Variants in SAPCD2 observed in about 807,000 individuals in gnomAD.
SAPCD2 encodes suppressor APC domain-containing protein 2.
Under a neutral mutation model 37.8 loss-of-function variants are expected in SAPCD2, and 34 were observed. That is an observed-to-expected ratio of 0.90 (90% CI 0.68 to 1.20). SAPCD2 has a LOEUF of 1.20. Among genes scored for constraint, SAPCD2 ranks in the 50% most tolerant of loss-of-function variants. The pLI is 0.00. For missense variants in SAPCD2, 572 were observed against 584.7 expected (o/e 0.98, Z 0.22); for synonymous variants, 275 against 270.3 (o/e 1.02, Z -0.17).
Position 137,064,988 on chromosome 9 carries a change from G to A in SAPCD2, c.940-9C>T. ...GAGGACGGGGGCAGGGCCTGCGGGA[G>A]GGCAGGATTAGGCAGGCCTGGACGA... On this transcript the variant is annotated splice_polypyrimidine_tract_variant and intron_variant, in intron 4 of 5. Coordinates refer to ENST00000409687, the MANE Select transcript of SAPCD2 (RefSeq NM_178448.4). 1.3e-6 allele frequency: 2 copies of A among 1,502,550 alleles called. No individual in the cohort carries two copies. Among genetic ancestry groups the A allele is most frequent in the Non-Finnish European group, 1.8e-6 (2 of 1,107,878 alleles). The allele number at this position is 1,502,550 out of a possible 1,614,324, so 93.1% of individuals were successfully genotyped here.
At chr9:137,069,341 G>A (rs1588565980) in intron 1 of SAPCD2, among the ~76,000 whole-genome samples, 1 of 152,180 alleles carries the variant, frequency 6.6e-6, no homozygotes, top group African/African-American at 2.4e-5. Context: ...ATCCACCCAC[G>A]CCCCTGCCCA....
chr9:137,066,503 T>C (rs1832548934), intron 1 of SAPCD2, 129 bp from the exon 2 acceptor site: 1 of 642,024 alleles, frequency 1.6e-6, no homozygotes, highest in Non-Finnish European at 2.7e-6. Context: ...GGCCCACGTG[T>C]AGCCTCTGTG....
chr9:137,066,743 G>C (rs1480411377), intron 1 of SAPCD2, among the ~76,000 whole-genome samples: 2 of 152,216 alleles, frequency 1.3e-5, no homozygotes, highest in Non-Finnish European at 2.9e-5. Context: ...GGAGTGGGCG[G>C]GGGGGTTCTG....
chr9:137,070,116 C>T lies in SAPCD2; in HGVS notation c.345G>A (p.Gln115=). 4 of 1,191,054 alleles carry T rather than the reference C, an allele frequency of 3.4e-6. No homozygotes were observed. The highest frequency in any genetic ancestry group is 3.1e-6 in the Non-Finnish European group (3 of 962,776). 73.8% of individuals were successfully genotyped at this position (1,191,054 alleles called of 1,614,324 possible). The change falls in exon 1 of 6, where the codon CAG becomes CAA. Residue 115 remains glutamine (Q), a synonymous_variant. Coordinates refer to ENST00000409687, the MANE Select transcript of SAPCD2 (RefSeq NM_178448.4). ...PTRAPARPGD[Q]PPPPPQRLVF... is the part of the protein sequence containing the mutation. ...CCAGGCGCTGCGGCGGCGGCGGCGG[C>T]TGATCCCCGGGCCGGGCCGGGGCGC...
chr9:137,064,566 G>T lies in SAPCD2; in HGVS notation c.*93C>A. ...GGGACTGTGCCTGGGCCTGCCGGGGGTCTCCAGCCAGAGAGGGTGGGTGCG... is the reference window on the plus strand; with the variant it reads ...GGGACTGTGCCTGGGCCTGCCGGGGTTCTCCAGCCAGAGAGGGTGGGTGCG... On this transcript the variant is annotated 3_prime_UTR_variant, in exon 6 of 6. Coordinates refer to ENST00000409687, the MANE Select transcript of SAPCD2 (RefSeq NM_178448.4). 3 of 1,441,790 alleles carry T rather than the reference G, an allele frequency of 2.1e-6. No individual in the cohort carries two copies. The highest frequency in any genetic ancestry group is 2.0e-5 in the Admixed American group (1 of 48,856). The allele number at this position is 1,441,790 out of a possible 1,614,324, so 89.3% of individuals were successfully genotyped here.
In SAPCD2 at chr9:137,064,462, C is replaced by T. The variant is rs918906617; in HGVS notation, c.*197G>A. 3.8e-5 allele frequency: 24 copies of T among 634,354 alleles called. No individual in the cohort carries two copies. The highest frequency in any genetic ancestry group is 5.4e-5 in the Non-Finnish European group (20 of 368,932). 39.3% of individuals were successfully genotyped at this position (634,354 alleles called of 1,614,324 possible). On this transcript the variant is annotated 3_prime_UTR_variant, in exon 6 of 6. Coordinates refer to ENST00000409687, the MANE Select transcript of SAPCD2 (RefSeq NM_178448.4). ...TCAGCACCAGGAGCCAAAACGGAGT[C>T]AAGCGCTCGGTGCGGGGACCAGCCG...
Position 137,064,178 on chromosome 9 carries a change from G to A in SAPCD2, c.*481C>T, listed in dbSNP as rs911637199. The stretch of plus-strand genomic sequence containing the variant: ...CCCCTCCATCTACTTCCGTCCGTCC[G>A]AGCTACAGCCACCTCGTCCTGGTGC... On this transcript the variant is annotated 3_prime_UTR_variant, in exon 6 of 6. Coordinates refer to ENST00000409687, the MANE Select transcript of SAPCD2 (RefSeq NM_178448.4). The A allele has an allele frequency of 7.6e-5, 15 of 198,206 alleles. No homozygotes were observed. The highest frequency in any genetic ancestry group is 1.4e-4 in the African/African-American group (6 of 41,768). 12.3% of individuals were successfully genotyped at this position (198,206 alleles called of 1,614,324 possible).
At chr9:137,065,751 G>A (rs937550063) in intron 2 of SAPCD2, 83 bp from the exon 3 acceptor site, 45 of 1,480,088 alleles carry the variant, frequency 3.0e-5, no homozygotes, top group Non-Finnish European at 3.7e-5. Flanking sequence ...CCTGTGGGTG[G>A]GCACCAGAGC....
rs1322964686 is a variant in SAPCD2, at chr9:137,064,984, G to C, written c.940-5C>G. Reference sequence around the variant, plus strand: ...GGAGGAGGACGGGGGCAGGGCCTGCGGGAGGGCAGGATTAGGCAGGCCTGG... The same window carrying C: ...GGAGGAGGACGGGGGCAGGGCCTGCCGGAGGGCAGGATTAGGCAGGCCTGG... On this transcript the variant is annotated splice_polypyrimidine_tract_variant and splice_region_variant and intron_variant, in intron 4 of 5. Coordinates refer to ENST00000409687, the MANE Select transcript of SAPCD2 (RefSeq NM_178448.4). 3 of 1,502,936 alleles carry C rather than the reference G, an allele frequency of 2.0e-6. No individual in the cohort carries two copies. The highest frequency in any genetic ancestry group is 2.4e-5 in the South Asian group (2 of 82,668). 93.1% of individuals were successfully genotyped at this position (1,502,936 alleles called of 1,614,324 possible).
chr9:137,067,160 G>T (rs1832557642), intron 1 of SAPCD2, among the ~76,000 whole-genome samples: 1 of 151,612 alleles, frequency 6.6e-6, no homozygotes, highest in South Asian at 2.1e-4. Flanking sequence ...GCTACTTTTT[G>T]TATTTTTTAG....
chr9:137,065,271 C>G, intron 3 of SAPCD2, 86 bp from the exon 4 acceptor site: 1 of 1,036,206 alleles, frequency 9.7e-7, no homozygotes, highest in Non-Finnish European at 1.4e-6. Flanking sequence ...CCACAGGTGG[C>G]TCTCCTGCCT....
Position 137,070,026 on chromosome 9 carries a change from G to C in SAPCD2, c.435C>G (p.Arg145=). The change falls in exon 1 of 6, where the codon CGC becomes CGG. Residue 145 remains arginine, a synonymous_variant. Transcript: ENST00000409687. The stretch of plus-strand genomic sequence containing the variant: ...CGGCGCTGGGACCGGCCAGAGGGGC[G>C]CGCACGCCCAGGGGCAGGGGCTTCC... ...LERKPLPLGV[R]APLAGPSAAA... is the part of the protein sequence containing the mutation. 1 of 1,204,076 alleles carries C rather than the reference G, an allele frequency of 8.3e-7. No individual in the cohort carries two copies. Among genetic ancestry groups the C allele is most frequent in the Non-Finnish European group, 1.0e-6 (1 of 970,060 alleles). 74.6% of individuals were successfully genotyped at this position (1,204,076 alleles called of 1,614,324 possible). A position where few individuals can be genotyped will look rare whatever the true frequency, so the allele number is the denominator to read the frequency against.
chr9:137,065,560 C>T lies in SAPCD2; in HGVS notation c.793G>A (p.Glu265Lys), dbSNP rs201591483. Reference protein sequence around the residue: ...WYQQQLQRVQERQRRLGQSRA... With the variant: ...WYQQQLQRVQKRQRRLGQSRA... ...CTCTGGCCCAGGCGGCGCTGGCGCT[C>T]CTGCACTCGTTGCAGCTGCTGCTGG... Residue 265 changes from glutamate to lysine, a missense_variant, in exon 3 of 6, where the codon GAG becomes AAG. By Grantham distance (56) the Glu-to-Lys change is moderately conservative. Coordinates refer to ENST00000409687, the MANE Select transcript of SAPCD2 (RefSeq NM_178448.4). 6.2e-6 allele frequency: 10 copies of T among 1,609,472 alleles called. No homozygotes were observed. Among genetic ancestry groups the T allele is most frequent in the Admixed American group, 3.3e-5 (2 of 59,850 alleles).
chr9:137,065,074 T>C lies in SAPCD2; in HGVS notation c.939+4A>G. ...GTGGGTGTGGGGGTTTGGGGTACAC[T>C]CACCCGGCTGGCACAGGCTGCAGCC... On this transcript the variant is annotated splice_donor_region_variant and intron_variant, in intron 4 of 5. Coordinates refer to ENST00000409687, the MANE Select transcript of SAPCD2 (RefSeq NM_178448.4). 6.6e-7 allele frequency: 1 copy of C among 1,521,722 alleles called. No homozygotes were observed. The highest frequency in any genetic ancestry group is 8.8e-7 in the Non-Finnish European group (1 of 1,133,078). The allele number at this position is 1,521,722 out of a possible 1,614,324, so 94.3% of individuals were successfully genotyped here.
Position 137,064,923 on chromosome 9 carries a change from G to C in SAPCD2, c.996C>G (p.Pro332=), listed in dbSNP as rs775199107. The part of the protein sequence containing the change: ...PPCPALTSTS[P]PVWQQQTILM... ...GGATGGTCTGCTGCTGCCAGACCGG[G>C]GGTGAGGTGGACGTCAGGGCAGGGC... is the stretch of plus-strand genomic sequence containing the variant. The change falls in exon 5 of 6, where the codon CCC becomes CCG. Residue 332 remains proline, a synonymous_variant. Transcript: ENST00000409687. 2.6e-6 allele frequency: 4 copies of C among 1,556,922 alleles called. No homozygotes were observed. The South Asian group carries it at 4.7e-5, about 18-fold the overall frequency.
chr9:137,066,417 C>T (rs1336779641), intron 1 of SAPCD2, 43 bp from the exon 2 acceptor site: 2 of 1,462,048 alleles, frequency 1.4e-6, no homozygotes, highest in Non-Finnish European at 1.9e-6. Flanking sequence ...CCAGACCTGC[C>T]TGGCCAGGCT....
intron 1 of SAPCD2, among the ~76,000 whole-genome samples, chr9:137,068,494 G>T (rs1324699462): frequency 6.6e-6 from 1 of 152,250 alleles, no homozygotes; most frequent in African/African-American, 2.4e-5. Context: ...AAGGAAAGAG[G>T]CCCTGAACAT....
intron 1 of SAPCD2, among the ~76,000 whole-genome samples, chr9:137,068,023 C>T (rs1204419034): frequency 2.6e-5 from 4 of 152,148 alleles, no homozygotes; most frequent in African/African-American, 4.8e-5. Context: ...CATCCTCCTT[C>T]GGCCTCCAGC....
In SAPCD2 at chr9:137,070,528, C is replaced by T. The variant is rs1184582311; in HGVS notation, c.-68G>A. 19 of 1,031,614 alleles carry T rather than the reference C, an allele frequency of 1.8e-5. No homozygotes were observed. The highest frequency in any genetic ancestry group is 2.3e-5 in the Non-Finnish European group (19 of 815,106). The allele number at this position is 1,031,614 out of a possible 1,614,324, so 63.9% of individuals were successfully genotyped here. A position where few individuals can be genotyped will look rare whatever the true frequency, so the allele number is the denominator to read the frequency against. On this transcript the variant is annotated 5_prime_UTR_variant, in exon 1 of 6. Transcript: ENST00000409687. ...AGCGCGGCCCCACGGAGGGGCCGGCCCGGCGAGCTCAGCCCACGGCGACAA... is the reference window on the plus strand; with the variant it reads ...AGCGCGGCCCCACGGAGGGGCCGGCTCGGCGAGCTCAGCCCACGGCGACAA...
Sources: allele counts gnomAD v4.1 joint callset (sites outside exome capture counted in the v4.1 genomes callset), GRCh38; gene constraint gnomAD v4.1.1; transcripts MANE v1.5; gene names NCBI Gene and HGNC (gene_info 2026-07-23, HGNC 2026-07-21).